Variants in MID1 observed in about 807,000 individuals in gnomAD.
MID1 encodes midline 1.
MID1 carries 7 observed loss-of-function variants against 40.4 expected under a neutral mutation model. The observed-to-expected ratio is 0.17, with a 90% CI of 0.10 to 0.33. The LOEUF (loss-of-function observed/expected upper bound fraction) is 0.33, where lower values mean the gene tolerates loss of function less well. Among genes scored for constraint, MID1 ranks in the 10% least tolerant of loss-of-function variants. The pLI, the probability that MID1 is intolerant of heterozygous loss-of-function variation, is 1.00. For synonymous variants in MID1, 229 were observed against 221.2 expected (o/e 1.04, Z -0.31); for missense variants, 367 against 558.5 (o/e 0.66, Z 3.46).
intron 1 of MID1, among the ~76,000 whole-genome samples, chrX:10,700,720 T>G (rs1174844190): frequency 4.5e-5 from 5 of 112,046 alleles, no homozygotes. Context: ...AAACTAAATT[T>G]GCCTTCAATA....
chrX:10,592,423 C>T (rs756218903), intron 1 of MID1, among the ~76,000 whole-genome samples: 1 of 108,249 alleles, frequency 9.2e-6, no homozygotes, highest in African/African-American at 3.4e-5. Context: ...GCATTTCCTT[C>T]TGTGCATTAC....
At chrX:10,470,669 C>T (rs776979444) in intron 6 of MID1, among the ~76,000 whole-genome samples, 1 of 111,465 alleles carries the variant, frequency 9.0e-6, no homozygotes, top group Non-Finnish European at 1.9e-5. Flanking sequence ...AAGGAAAAAA[C>T]TTTTTTTTGG....
chrX:10,612,721 T>C (rs1174773245), intron 1 of MID1, among the ~76,000 whole-genome samples: 1 of 112,352 alleles, frequency 8.9e-6, no homozygotes, highest in Non-Finnish European at 1.9e-5. Context: ...CCATTCAAAT[T>C]GCCTTGGAAT....
intron 1 of MID1, among the ~76,000 whole-genome samples, chrX:10,715,710 C>T (rs1014547871): frequency 7.2e-5 from 8 of 111,788 alleles, no homozygotes; most frequent in Non-Finnish European, 1.3e-4. Context: ...GTTCTCCCAG[C>T]GCACAGCTTG....
chrX:10,506,750 G>C (rs1931861915), intron 3 of MID1, among the ~76,000 whole-genome samples: 1 of 111,645 alleles, frequency 9.0e-6, no homozygotes, highest in Non-Finnish European at 1.9e-5. Context: ...TGGCATCACA[G>C]TCATCCAATT....
intron 1 of MID1, among the ~76,000 whole-genome samples, chrX:10,829,684 C>T (rs1188905694): frequency 9.0e-6 from 1 of 111,573 alleles, no homozygotes; most frequent in Admixed American, 9.5e-5. Context: ...TCCTGACTAT[C>T]ACCTCACCAG....
intron 1 of MID1, among the ~76,000 whole-genome samples, chrX:10,617,930 G>T (rs1178951256): frequency 8.9e-6 from 1 of 112,650 alleles, no homozygotes; most frequent in Non-Finnish European, 1.9e-5. Flanking sequence ...CTCAGCCGTG[G>T]CCTTAGGAAC....
At chrX:10,625,446 A>T (rs774137082), upstream of MID1, among the ~76,000 whole-genome samples, 2 of 112,700 alleles carry the variant, frequency 1.8e-5, no homozygotes, top group East Asian at 5.5e-4. Context: ...ATGCCCAAAC[A>T]TTTGTATATC....
chrX:10,686,967 T>C (rs748166967), intron 1 of MID1, among the ~76,000 whole-genome samples: 1 of 111,749 alleles, frequency 8.9e-6, no homozygotes, highest in Non-Finnish European at 1.9e-5. Flanking sequence ...GAGGTGTCTG[T>C]GGACCCCATT....
intron 1 of MID1, among the ~76,000 whole-genome samples, chrX:10,776,693 CCT>C (rs1194698774): frequency 9.0e-6 from 1 of 111,177 alleles, no homozygotes; most frequent in Non-Finnish European, 1.9e-5. Flanking sequence ...TGGTGAGACC[CCT>C]GTGTCTACAA....
chrX:10,558,162 C>T (rs1490466384), intron 2 of MID1, among the ~76,000 whole-genome samples: 1 of 110,970 alleles, frequency 9.0e-6, no homozygotes, highest in East Asian at 2.8e-4. Flanking sequence ...AAGACCTTCC[C>T]TCCAGGTGAC....
In MID1 at chrX:10,509,931, G is replaced by T. The variant is rs1379019811; in HGVS notation, c.756+13161C>A. Among the ~76,000 whole-genome samples, 11 of 112,110 alleles carry T rather than the reference G, an allele frequency of 9.8e-5. No individual in the cohort carries two copies. In the Admixed American group the frequency reaches 1.0e-3, roughly 11 times the overall value. On this transcript the variant is annotated intron_variant, in intron 3 of 9. Coordinates refer to ENST00000317552, the MANE Select transcript of MID1 (RefSeq NM_000381.4). Reference sequence around the variant, plus strand: ...CAGGAGTCCAACCAACTAGGAGAAGGAATAGACACAGACTTACAGACCATC... The same window carrying T: ...CAGGAGTCCAACCAACTAGGAGAAGTAATAGACACAGACTTACAGACCATC...
chrX:10,676,108 C>T (rs765202998), intron 1 of MID1, among the ~76,000 whole-genome samples: 60 of 111,753 alleles, frequency 5.4e-4, no homozygotes, highest in Non-Finnish European at 8.8e-4. Flanking sequence ...TGAAAAATTT[C>T]CAGAAGGACC....
intron 1 of MID1, among the ~76,000 whole-genome samples, chrX:10,743,622 A>C (rs1229303486): frequency 8.9e-6 from 1 of 112,141 alleles, no homozygotes; most frequent in Non-Finnish European, 1.9e-5. Flanking sequence ...TACTGAGTGC[A>C]TACCATATGA....
At chrX:10,586,495 T>C in intron 1 of MID1, among the ~76,000 whole-genome samples, 1 of 111,877 alleles carries the variant, frequency 8.9e-6, no homozygotes, top group East Asian at 2.8e-4. Flanking sequence ...CTCTACACAG[T>C]TATGTTTAAC....
intron 1 of MID1, among the ~76,000 whole-genome samples, chrX:10,703,989 A>C (rs1239780764): frequency 8.9e-6 from 1 of 112,344 alleles, no homozygotes; most frequent in Non-Finnish European, 1.9e-5. Context: ...TCTAAAACAA[A>C]TCTATTGCTA....
At chrX:10,636,123 T>C (rs761773563) in intron 1 of MID1, among the ~76,000 whole-genome samples, 1 of 112,302 alleles carries the variant, frequency 8.9e-6, no homozygotes, top group South Asian at 3.7e-4. Context: ...TATAAAATGC[T>C]GGCAAAATCT....
chrX:10,583,096 C>T (rs1323154973), intron 1 of MID1, among the ~76,000 whole-genome samples: 1 of 111,517 alleles, frequency 9.0e-6, no homozygotes, highest in Non-Finnish European at 1.9e-5. Flanking sequence ...ATTACTCTTT[C>T]ATTCCACTGG....
At chrX:10,825,419 G>A (rs184583294) in intron 1 of MID1, among the ~76,000 whole-genome samples, 3 of 112,219 alleles carry the variant, frequency 2.7e-5, no homozygotes, top group Admixed American at 9.4e-5. Flanking sequence ...CTCAAGGGTA[G>A]TGGAATTACA....
Sources: allele counts gnomAD v4.1 joint callset (sites outside exome capture counted in the v4.1 genomes callset), GRCh38; gene constraint gnomAD v4.1.1; transcripts MANE v1.5; gene names NCBI Gene and HGNC (gene_info 2026-07-23, HGNC 2026-07-21).